DOCK3: variants seen among roughly 807,000 people sequenced by gnomAD.
DOCK3 encodes the protein dedicator of cytokinesis 3.
In DOCK3, 60 loss-of-function variants were observed where a neutral mutation model predicts 265.6. The observed-to-expected ratio is 0.23, with a 90% CI of 0.18 to 0.28. The LOEUF (loss-of-function observed/expected upper bound fraction) is 0.28, where lower values mean the gene tolerates loss of function less well. Among genes scored for constraint, DOCK3 ranks in the 10% least tolerant of loss-of-function variants. DOCK3 has a pLI of 1.00. For synonymous variants in DOCK3, 881 were observed against 938.0 expected (o/e 0.94, Z 1.11); for missense variants, 1,981 against 2,594.3 (o/e 0.76, Z 5.14).
At chr3:50,843,001 T>G (rs2045914898) in intron 3 of DOCK3, among the ~76,000 whole-genome samples, 1 of 152,234 alleles carries the variant, frequency 6.6e-6, no homozygotes, top group African/African-American at 2.4e-5. Context: ...GCGTGGACTG[T>G]GCTCATTAAA....
intron 11 of DOCK3, 86 bp downstream of exon 11, chr3:51,159,390 T>A: frequency 8.0e-7 from 1 of 1,257,334 alleles, no homozygotes; most frequent in Non-Finnish European, 1.2e-6. Context: ...GTTTTCTCCC[T>A]AGATCTTACC....
intron 10 of DOCK3, among the ~76,000 whole-genome samples, chr3:51,149,489 C>T (rs2085471983): frequency 6.6e-6 from 1 of 152,070 alleles, no homozygotes; most frequent in Non-Finnish European, 1.5e-5. Flanking sequence ...TCCTAAATAG[C>T]TCCTATTATT....
At chr3:51,131,552 C>T (rs951854659) in intron 9 of DOCK3, among the ~76,000 whole-genome samples, 4 of 152,146 alleles carry the variant, frequency 2.6e-5, no homozygotes, top group African/African-American at 9.7e-5. Flanking sequence ...CCATGATTCT[C>T]TGTTTTTATA....
intron 13 of DOCK3, among the ~76,000 whole-genome samples, chr3:51,210,593 G>A (rs906952509): frequency 5.3e-5 from 8 of 152,222 alleles, no homozygotes; most frequent in Non-Finnish European, 8.8e-5. Context: ...TTTCTACTCA[G>A]TTGCCAAGCT....
chr3:50,777,608 T>G (rs927548723), intron 1 of DOCK3, among the ~76,000 whole-genome samples: 2 of 152,208 alleles, frequency 1.3e-5, no homozygotes, highest in African/African-American at 4.8e-5. Context: ...CCTTGTAGTT[T>G]TTCTTGTAGA....
chr3:50,827,876 C>T (rs1011821304), intron 2 of DOCK3, among the ~76,000 whole-genome samples: 2 of 151,906 alleles, frequency 1.3e-5, no homozygotes, highest in South Asian at 2.1e-4. Context: ...CATTTAGGCT[C>T]CTCTATTAGC....
intron 2 of DOCK3, among the ~76,000 whole-genome samples, chr3:50,814,216 T>C (rs2043932354): frequency 6.6e-6 from 1 of 152,224 alleles, no homozygotes; most frequent in Non-Finnish European, 1.5e-5. Flanking sequence ...TTAAATGTTA[T>C]ATTTTTCCAT....
chr3:51,276,012 T>A (rs183283111), intron 25 of DOCK3, among the ~76,000 whole-genome samples: 27 of 152,184 alleles, frequency 1.8e-4, no homozygotes, highest in Non-Finnish European at 4.4e-5. Context: ...TTATACCATT[T>A]TATTAGGTTG....
intron 49 of DOCK3, among the ~76,000 whole-genome samples, chr3:51,366,222 G>A (rs2087149676): frequency 6.6e-6 from 1 of 152,182 alleles, no homozygotes; most frequent in African/African-American, 2.4e-5. Context: ...TTGGGAGGGT[G>A]TATGTGTCCA....
At position 50,675,464 on chromosome 3, in the gene DOCK3, G is replaced by A. The variant is rs1449794934; in HGVS notation, c.37+164G>A. ...GGGGCAGGTGCGGGTGCGGGTGCGG[G>A]TGCGGGGGTGGGCGCGGGTCTCTGT... is the stretch of plus-strand genomic sequence containing the variant. On this transcript the variant is annotated intron_variant, in intron 1 of 52. Transcript: ENST00000266037. The surrounding 1 kb of genome is among the most constrained non-coding windows in gnomAD (Gnocchi z 6.1). 6.6e-6 allele frequency among the ~76,000 whole-genome samples: 1 copy of A among 151,506 alleles called. No homozygotes were observed. Among genetic ancestry groups the A allele is most frequent in the Non-Finnish European group, 1.5e-5 (1 of 67,758 alleles).
intron 2 of DOCK3, among the ~76,000 whole-genome samples, chr3:50,804,332 G>A (rs1341247266): frequency 6.6e-6 from 1 of 152,194 alleles, no homozygotes; most frequent in Admixed American, 6.5e-5. Context: ...CTTCCCAGAC[G>A]GGGTGGCGGC....
intron 5 of DOCK3, among the ~76,000 whole-genome samples, chr3:50,988,688 C>A (rs1287217505): frequency 6.6e-6 from 1 of 152,210 alleles, no homozygotes; most frequent in Non-Finnish European, 1.5e-5. Flanking sequence ...TGCCGTTTTG[C>A]AGCCGTCACT....
At chr3:51,075,291 G>A in intron 6 of DOCK3, 65 bp from the exon 7 acceptor site, 1 of 1,389,110 alleles carries the variant, frequency 7.2e-7, no homozygotes, top group East Asian at 2.5e-5. Flanking sequence ...GGGTTCCCAG[G>A]CACATAAAGA....
chr3:50,714,564 C>T (rs1358072429), intron 1 of DOCK3, among the ~76,000 whole-genome samples: 1 of 152,166 alleles, frequency 6.6e-6, no homozygotes, highest in Non-Finnish European at 1.5e-5. Flanking sequence ...TCACTGCAGC[C>T]TCGACCTCCT....
chr3:51,070,844 C>T (rs2081832822), intron 6 of DOCK3, among the ~76,000 whole-genome samples: 1 of 152,070 alleles, frequency 6.6e-6, no homozygotes. Flanking sequence ...AGTGTGAACC[C>T]TGTTATAGTG....
intron 5 of DOCK3, among the ~76,000 whole-genome samples, chr3:50,960,175 G>T (rs561339245): frequency 3.1e-4 from 47 of 152,226 alleles, no homozygotes; most frequent in African/African-American, 1.1e-3. Context: ...GTACAAATCT[G>T]TGTGTAAACA....
At chr3:50,885,025 C>G (rs1247465429) in intron 3 of DOCK3, among the ~76,000 whole-genome samples, 1 of 152,140 alleles carries the variant, frequency 6.6e-6, no homozygotes. Flanking sequence ...CTAACAATGT[C>G]CTTGTGTGCC....
intron 12 of DOCK3, among the ~76,000 whole-genome samples, chr3:51,169,986 C>CT (rs571823658): frequency 3.3e-5 from 5 of 150,632 alleles, no homozygotes; most frequent in African/African-American, 5.0e-5. Context: ...TTGTAATTTT[C>CT]TTTTTTTTAT....
chr3:51,008,468 A>C (rs895730948), intron 5 of DOCK3, among the ~76,000 whole-genome samples: 1 of 152,178 alleles, frequency 6.6e-6, no homozygotes, highest in Non-Finnish European at 1.5e-5. Context: ...TGATTTTTGC[A>C]CATCGATTTT....
Sources: gnomAD v4.1 joint callset for allele counts (sites outside exome capture counted in the v4.1 genomes callset) on GRCh38, gnomAD v4.1.1 for gene constraint, Gnocchi (gnomAD v3.1) non-coding constraint, MANE v1.5 for transcripts, NCBI Gene and HGNC (gene_info 2026-07-23, HGNC 2026-07-21) for gene names.